The following RBFOX1 variants were observed in gnomAD, a reference collection of about 807,000 sequenced individuals.
RBFOX1 encodes the protein RNA binding fox-1 homolog 1, also known as RNA binding protein fox-1 homolog 1.
RBFOX1 carries 8 observed loss-of-function variants against 57.7 expected under a neutral mutation model. The observed-to-expected ratio is 0.14, with a 90% CI of 0.08 to 0.25. The LOEUF (loss-of-function observed/expected upper bound fraction) is 0.25, where lower values mean the gene tolerates loss of function less well. RBFOX1 is among the 10% of genes least tolerant of loss of function. The probability of loss-of-function intolerance (pLI) is 1.00; values close to 1 mark genes in which losing one functional copy is unlikely to be tolerated. For synonymous variants in RBFOX1, 326 were observed against 222.4 expected (o/e 1.47, Z -4.15); for missense variants, 611 against 548.5 (o/e 1.11, Z -1.14).
chr16:6,893,384 G>C (rs571932561), intron 3 of RBFOX1, among the ~76,000 whole-genome samples: 4 of 152,140 alleles, frequency 2.6e-5, no homozygotes, highest in Non-Finnish European at 5.9e-5. Flanking sequence ...ATAAAAAGAA[G>C]GCTTTCTTTA....
At chr16:6,375,599 A>G (rs2534744) in intron 2 of RBFOX1, among the ~76,000 whole-genome samples, 96,084 of 151,860 alleles carry the variant, frequency 0.63, 31,421 homozygotes, top group African/African-American at 0.8. Flanking sequence ...CCCCTTCTGT[A>G]ATGTGTGGAA....
intron 1 of RBFOX1, among the ~76,000 whole-genome samples, chr16:5,449,705 C>T (rs1024548076): frequency 8.5e-5 from 13 of 152,162 alleles, no homozygotes; most frequent in African/African-American, 2.2e-4. Context: ...AACTCCTGGG[C>T]TCAAGTGATC....
chr16:6,550,960 G>C (rs1165314666), intron 2 of RBFOX1, among the ~76,000 whole-genome samples: 2 of 152,154 alleles, frequency 1.3e-5, no homozygotes, highest in Middle Eastern at 3.2e-3. Context: ...TTCACTTATG[G>C]GAATACAAGT....
At chr16:6,621,465 A>T (rs537706460) in intron 2 of RBFOX1, among the ~76,000 whole-genome samples, 2 of 134,836 alleles carry the variant, frequency 1.5e-5, no homozygotes, top group African/African-American at 5.0e-5. Context: ...CTCTGTCTCA[A>T]AACAAACAAA....
chr16:6,935,257 G>T (rs1477344540), intron 3 of RBFOX1, among the ~76,000 whole-genome samples: 2 of 152,152 alleles, frequency 1.3e-5, no homozygotes, highest in Non-Finnish European at 2.9e-5. Flanking sequence ...TGTTTAGTGT[G>T]GTTCCTGGCA....
At chr16:6,058,293 C>CCTTCCTCCCTCCTCTT (rs1001101814) in intron 1 of RBFOX1, among the ~76,000 whole-genome samples, 4 of 146,290 alleles carry the variant, frequency 2.7e-5, no homozygotes, top group African/African-American at 5.1e-5. Context: ...TCTTTCCCTG[C>CCTTCCTCCCTCCTCTT]CTTCCTCCCT....
At chr16:6,832,034 C>T (rs999998022) in intron 3 of RBFOX1, among the ~76,000 whole-genome samples, 4 of 152,226 alleles carry the variant, frequency 2.6e-5, no homozygotes, top group Admixed American at 6.5e-5. Flanking sequence ...AATTCATTGA[C>T]AGCCTGCACT....
At chr16:6,175,582 G>C (rs2096999809) in intron 1 of RBFOX1, among the ~76,000 whole-genome samples, 1 of 152,158 alleles carries the variant, frequency 6.6e-6, no homozygotes, top group African/African-American at 2.4e-5. Context: ...CCTAGTAATA[G>C]CTGTAGGAAC....
chr16:7,139,794 G>A (rs2073163522), intron 4 of RBFOX1, among the ~76,000 whole-genome samples: 1 of 152,010 alleles, frequency 6.6e-6, no homozygotes, highest in Non-Finnish European at 1.5e-5. Context: ...AGCTTTCAGG[G>A]GGCAGTTTTA....
At chr16:6,915,968 G>GA in intron 3 of RBFOX1, among the ~76,000 whole-genome samples, 1 of 151,954 alleles carries the variant, frequency 6.6e-6, no homozygotes, top group Non-Finnish European at 1.5e-5. Flanking sequence ...GTACAAGGCA[G>GA]AAAAATCCAG....
At chr16:6,257,149 C>G (rs773623635) in intron 1 of RBFOX1, among the ~76,000 whole-genome samples, 2 of 152,080 alleles carry the variant, frequency 1.3e-5, no homozygotes, top group Non-Finnish European at 2.9e-5. Flanking sequence ...ATGTGCAGGA[C>G]ATGCAGGTTT....
intron 3 of RBFOX1, among the ~76,000 whole-genome samples, chr16:5,852,603 T>C (rs1248100078): frequency 1.3e-5 from 2 of 152,162 alleles, no homozygotes; most frequent in Non-Finnish European, 2.9e-5. Context: ...CTGAGAGTCC[T>C]GATCAACCAA....
intron 2 of RBFOX1, among the ~76,000 whole-genome samples, chr16:6,493,478 T>C (rs1209492790): frequency 1.3e-5 from 2 of 152,310 alleles, no homozygotes; most frequent in East Asian, 3.9e-4. Flanking sequence ...CTAAAAGTTG[T>C]ATACAGTACT....
At chr16:5,437,511 A>T (rs1040560612) in intron 1 of RBFOX1, among the ~76,000 whole-genome samples, 1 of 152,216 alleles carries the variant, frequency 6.6e-6, no homozygotes, top group Non-Finnish European at 1.5e-5. Context: ...AGTGAAAGCA[A>T]CCTGCATATC....
rs143397244 is a variant in RBFOX1 at position 7,104,058 on chromosome 16, C to G, written c.27+51960C>G. The stretch of plus-strand genomic sequence containing the variant: ...TCCACATATAAAATCTAAAATAGTT[C>G]GTTACTAAAAGCAATCCTGCAATCC... On this transcript the variant is annotated intron_variant, in intron 4 of 15. Transcript: ENST00000550418. Among the ~76,000 whole-genome samples, 793 of 152,128 alleles carry G rather than the reference C, an allele frequency of 5.2e-3. 8 individuals carry two copies. The highest frequency in any genetic ancestry group is 0.024 in the Middle Eastern group (7 of 294).
chr16:5,780,182 T>G (rs2054281264), intron 3 of RBFOX1, among the ~76,000 whole-genome samples: 1 of 152,188 alleles, frequency 6.6e-6, no homozygotes, highest in African/African-American at 2.4e-5. Flanking sequence ...TTTGTATTTT[T>G]AGTGGAGATG....
chr16:5,863,946 C>T (rs2057285708), intron 3 of RBFOX1, among the ~76,000 whole-genome samples: 2 of 152,156 alleles, frequency 1.3e-5, no homozygotes, highest in Non-Finnish European at 2.9e-5. Context: ...GTACATATTG[C>T]AGGTTACAAA....
At chr16:6,606,734 C>T (rs953065933) in intron 2 of RBFOX1, among the ~76,000 whole-genome samples, 6 of 152,170 alleles carry the variant, frequency 3.9e-5, no homozygotes, top group African/African-American at 1.2e-4. Flanking sequence ...ATATGTACCA[C>T]GTTTTCTTTA....
intron 3 of RBFOX1, among the ~76,000 whole-genome samples, chr16:6,778,606 A>G (rs756954300): frequency 6.6e-6 from 1 of 152,138 alleles, no homozygotes; most frequent in Non-Finnish European, 1.5e-5. Flanking sequence ...AACGAGGACT[A>G]TAGAATGCAA....
Sources: gnomAD v4.1 joint callset for allele counts (sites outside exome capture counted in the v4.1 genomes callset) on GRCh38, gnomAD v4.1.1 for gene constraint, MANE v1.5 for transcripts, NCBI Gene and HGNC (gene_info 2026-07-23, HGNC 2026-07-21) for gene names.